PLEKHA7: variants seen among roughly 807,000 people sequenced by gnomAD.
PLEKHA7 encodes the protein pleckstrin homology domain containing A7.
Under a neutral mutation model 170.0 loss-of-function variants are expected in PLEKHA7, and 104 were observed. The ratio of observed to expected loss-of-function variants is 0.61; its 90% CI spans 0.52 to 0.72. PLEKHA7 has a LOEUF of 0.72. Ranked by LOEUF, PLEKHA7 falls within the 30% of genes least tolerant of loss-of-function variation. The probability of loss-of-function intolerance (pLI) is 0.00; values close to 1 mark genes in which losing one functional copy is unlikely to be tolerated. For synonymous variants in PLEKHA7, 648 were observed against 660.8 expected (o/e 0.98, Z 0.30); for missense variants, 1,615 against 1,671.7 (o/e 0.97, Z 0.59).
chr11:16,930,269 A>G (rs1590648049), intron 3 of PLEKHA7, among the ~76,000 whole-genome samples: 1 of 151,962 alleles, frequency 6.6e-6, no homozygotes. Flanking sequence ...CTCCAAGCTG[A>G]GGGCCCAAGT....
At chr11:16,808,481 G>A (rs557024221) in intron 13 of PLEKHA7, among the ~76,000 whole-genome samples, 5 of 152,174 alleles carry the variant, frequency 3.3e-5, no homozygotes, top group South Asian at 2.1e-4. Context: ...TGAAGTATGC[G>A]GCATCCCCAA....
chr11:16,807,771 G>A (rs1340664118), intron 13 of PLEKHA7, among the ~76,000 whole-genome samples: 1 of 152,182 alleles, frequency 6.6e-6, no homozygotes, highest in Non-Finnish European at 1.5e-5. Context: ...ACCTAGGACA[G>A]TGGATCTCAG....
At chr11:16,939,933 C>A (rs1242003908) in intron 3 of PLEKHA7, among the ~76,000 whole-genome samples, 1 of 152,134 alleles carries the variant, frequency 6.6e-6, no homozygotes, top group East Asian at 1.9e-4. Context: ...ATTTCACTGA[C>A]CCCTAGATCT....
At chr11:16,850,289 C>T (rs1590333801) in intron 8 of PLEKHA7, among the ~76,000 whole-genome samples, 1 of 152,186 alleles carries the variant, frequency 6.6e-6, no homozygotes, top group Non-Finnish European at 1.5e-5. Context: ...ACAGGAGCCC[C>T]TACTCCAGCT....
chr11:16,909,097 G>T (rs1858068095), intron 3 of PLEKHA7, among the ~76,000 whole-genome samples: 1 of 152,198 alleles, frequency 6.6e-6, no homozygotes, highest in Admixed American at 6.5e-5. Flanking sequence ...GAGTTTCTGG[G>T]TGGATTAAAT....
In PLEKHA7 at chr11:16,817,025, C is replaced by T; in HGVS notation, c.1641G>A (p.Glu547=). 1 of 1,604,636 alleles carries T rather than the reference C, an allele frequency of 6.2e-7. No individual in the cohort carries two copies. The highest frequency in any genetic ancestry group is 1.1e-5 in the South Asian group (1 of 89,436). The part of the protein sequence containing the change: ...PTAPICLGSP[E]FTDQGRSRSM... ...TCCTGCTCCGGCCCTGGTCGGTGAA[C>T]TCTGGGGAGCCAAGGCAGATGGGCG... Residue 547 remains glutamate, a synonymous_variant, in exon 11 of 27, where the codon GAG becomes GAA. Transcript: ENST00000531066. The surrounding 1 kb of genome is among the most constrained non-coding windows in gnomAD (Gnocchi z 4.4).
At chr11:16,889,400 C>CAA (rs869268116) in intron 3 of PLEKHA7, among the ~76,000 whole-genome samples, 687 of 52,594 alleles carry the variant, frequency 0.013, 10 homozygotes, top group East Asian at 0.026. Flanking sequence ...CTTTATTGCT[C>CAA]AAAAAAAAAA....
chr11:16,995,996 GAGTCCCTGCAGA>G (rs1263303717), intron 3 of PLEKHA7, among the ~76,000 whole-genome samples: 1 of 152,174 alleles, frequency 6.6e-6, no homozygotes, highest in Non-Finnish European at 1.5e-5. Context: ...GTGTATATCA[GAGTCCCTGCAGA>G]AGTCAAGAAA....
chr11:16,826,486 T>G lies in PLEKHA7; in HGVS notation c.977A>C (p.His326Pro), dbSNP rs745906216. The G allele has an allele frequency of 5.6e-6, 9 of 1,614,226 alleles. No homozygotes were observed. In the South Asian group the frequency reaches 9.9e-5, roughly 18 times the overall value. Residue 326 changes from histidine to proline, a missense_variant, in exon 10 of 27, where the codon CAT becomes CCT. Transcript: ENST00000531066. ...VGPGHTRDCP[H>P]RGHDDIVNFE... is the part of the protein sequence containing the mutation. ...GTTGACAATGTCATCATGGCCACGA[T>G]GAGGACAATCTCTCGTATGTCCGGG... is the stretch of plus-strand genomic sequence containing the variant.
chr11:16,823,091 C>T (rs1417151905), intron 10 of PLEKHA7, among the ~76,000 whole-genome samples: 1 of 152,080 alleles, frequency 6.6e-6, no homozygotes, highest in Non-Finnish European at 1.5e-5. Flanking sequence ...AACTCATGGG[C>T]TCAAGTGATT....
chr11:16,824,133 G>T (rs1442359248), intron 10 of PLEKHA7, among the ~76,000 whole-genome samples: 2 of 152,126 alleles, frequency 1.3e-5, no homozygotes, highest in East Asian at 3.8e-4. Context: ...GGGGGAGTAG[G>T]GATGCTTAAT....
At chr11:16,859,149 G>C (rs952502186) in intron 4 of PLEKHA7, among the ~76,000 whole-genome samples, 7 of 152,170 alleles carry the variant, frequency 4.6e-5, no homozygotes, top group Non-Finnish European at 1.5e-5. Context: ...CCATGAGCAG[G>C]GACAGCTCCC....
At chr11:16,901,638 G>T (rs1857343897) in intron 3 of PLEKHA7, among the ~76,000 whole-genome samples, 1 of 152,214 alleles carries the variant, frequency 6.6e-6, no homozygotes, top group African/African-American at 2.4e-5. Flanking sequence ...GGAGGCCAAG[G>T]CCGGAAGATA....
chr11:16,795,851 C>CTTTTTTTT (rs1179377641), intron 17 of PLEKHA7, among the ~76,000 whole-genome samples: 28 of 93,070 alleles, frequency 3.0e-4, no homozygotes, highest in South Asian at 4.5e-4. Flanking sequence ...CAGTTTTTTC[C>CTTTTTTTT]TTTTTTTTTT....
At chr11:16,939,378 C>T (rs749984210) in intron 3 of PLEKHA7, among the ~76,000 whole-genome samples, 1 of 152,040 alleles carries the variant, frequency 6.6e-6, no homozygotes, top group Non-Finnish European at 1.5e-5. Flanking sequence ...CGTGCCACTG[C>T]ACTCCAGCCT....
chr11:16,920,243 G>A (rs1415218653), intron 3 of PLEKHA7, among the ~76,000 whole-genome samples: 1 of 152,168 alleles, frequency 6.6e-6, no homozygotes, highest in Non-Finnish European at 1.5e-5. Context: ...GAGAGGAATG[G>A]CTTGCTCATC....
chr11:16,936,701 A>G (rs553975898), intron 3 of PLEKHA7, among the ~76,000 whole-genome samples: 1 of 152,378 alleles, frequency 6.6e-6, no homozygotes, highest in Admixed American at 6.5e-5. Flanking sequence ...CAATAAACAC[A>G]TTCACCATGT....
chr11:16,887,557 C>T (rs1856228290), intron 3 of PLEKHA7, among the ~76,000 whole-genome samples: 1 of 152,240 alleles, frequency 6.6e-6, no homozygotes, highest in Non-Finnish European at 1.5e-5. Context: ...CCACGCCTGA[C>T]TGGCTTTCGT....
chr11:16,829,847 TTTCTTTTTTC>T (rs1383316242), intron 9 of PLEKHA7, among the ~76,000 whole-genome samples: 1 of 108,656 alleles, frequency 9.2e-6, no homozygotes, highest in African/African-American at 3.1e-5. Flanking sequence ...ATATGACAGG[TTTCTTTTTTC>T]TTTTTTCTTT....
Sources: allele counts gnomAD v4.1 joint callset (sites outside exome capture counted in the v4.1 genomes callset), GRCh38; gene constraint gnomAD v4.1.1; non-coding constraint Gnocchi (gnomAD v3.1); transcripts MANE v1.5; gene names NCBI Gene and HGNC (gene_info 2026-07-23, HGNC 2026-07-21).